Variants in METTL6 observed in about 807,000 individuals in gnomAD.
METTL6 encodes tRNA N(3)-cytidine methyltransferase METTL6.
In METTL6, 22 loss-of-function variants were observed where a neutral mutation model predicts 26.4. The ratio of observed to expected loss-of-function variants is 0.83; its 90% CI spans 0.59 to 1.19. METTL6 has a LOEUF of 1.19. METTL6 is among the 50% of genes most tolerant of loss of function. The probability of loss-of-function intolerance (pLI) is 0.00; values close to 1 mark genes in which losing one functional copy is unlikely to be tolerated. For missense variants in METTL6, 304 were observed against 324.8 expected, an observed-to-expected ratio of 0.94 and a Z score of 0.49; for synonymous variants, 109 against 116.2, an observed-to-expected ratio of 0.94 and a Z score of 0.40.
At chr3:15,419,697 G>C (rs1366871495) in intron 3 of METTL6, among the ~76,000 whole-genome samples, 1 of 152,050 alleles carries the variant, frequency 6.6e-6, no homozygotes, top group Admixed American at 6.6e-5. Flanking sequence ...ATATAAATGA[G>C]CATGCTCTTC....
chr3:15,395,677 T>G (rs990299482), intron 6 of METTL6, among the ~76,000 whole-genome samples: 4 of 152,216 alleles, frequency 2.6e-5, no homozygotes, highest in Non-Finnish European at 4.4e-5. Context: ...CTTCAGGAGT[T>G]CTTTTAGGGC....
At chr3:15,403,567 G>A (rs1225611894) in intron 6 of METTL6, among the ~76,000 whole-genome samples, 1 of 152,042 alleles carries the variant, frequency 6.6e-6, no homozygotes, top group Non-Finnish European at 1.5e-5. Context: ...CCTTCTCCTG[G>A]TTTTCTGAGT....
intron 6 of METTL6, among the ~76,000 whole-genome samples, chr3:15,397,249 G>A (rs1699513799): frequency 6.6e-6 from 1 of 152,210 alleles, no homozygotes; most frequent in Admixed American, 6.5e-5. Flanking sequence ...TGCTAGCAAT[G>A]AGCGAGGCTC....
intron 3 of METTL6, among the ~76,000 whole-genome samples, chr3:15,424,331 A>C (rs569792909): frequency 6.6e-6 from 1 of 152,186 alleles, no homozygotes; most frequent in Non-Finnish European, 1.5e-5. Flanking sequence ...CAGTGCTGCA[A>C]TCTTGGCTCA....
chr3:15,414,418 T>C, intron 4 of METTL6: 1 of 1,013,118 alleles, frequency 9.9e-7, no homozygotes, highest in Non-Finnish European at 1.2e-6. Context: ...TGCAGTGGCA[T>C]AATCTCAGCT....
intron 6 of METTL6, among the ~76,000 whole-genome samples, chr3:15,388,655 A>G (rs1004433556): frequency 6.6e-6 from 1 of 152,164 alleles, no homozygotes; most frequent in African/African-American, 2.4e-5. Context: ...CAGTTTAAGG[A>G]GGCCCAAAAT....
chr3:15,413,217 C>T (rs575873952), intron 5 of METTL6, among the ~76,000 whole-genome samples: 22 of 152,212 alleles, frequency 1.4e-4, no homozygotes, highest in African/African-American at 4.8e-4. Flanking sequence ...TGCACTCCAG[C>T]CTGTAAGACT....
intron 4 of METTL6, chr3:15,414,839 T>C: frequency 1.9e-6 from 1 of 517,326 alleles, no homozygotes; most frequent in Non-Finnish European, 3.5e-6. Flanking sequence ...GGAGAACTGC[T>C]TGAGCCCAGG....
chr3:15,411,973 C>T (rs1304078037), intron 5 of METTL6, among the ~76,000 whole-genome samples: 1 of 152,134 alleles, frequency 6.6e-6, no homozygotes, highest in African/African-American at 2.4e-5. Context: ...CCATGTTGGC[C>T]AGGCTGGTCT....
chr3:15,413,647 T>C (rs1366017034), intron 5 of METTL6: 13 of 1,180,332 alleles, frequency 1.1e-5, no homozygotes, highest in Middle Eastern at 3.8e-4. Flanking sequence ...CTTTGTGCCA[T>C]GGGAAAGTAA....
At chr3:15,384,844 T>C (rs902302416) in intron 6 of METTL6, among the ~76,000 whole-genome samples, 4 of 152,226 alleles carry the variant, frequency 2.6e-5, no homozygotes, top group African/African-American at 9.6e-5. Flanking sequence ...TTTTGCCCCC[T>C]TGGGGGACAA....
intron 1 of METTL6, 121 bp from the exon 2 acceptor site, chr3:15,426,756 G>A: frequency 3.8e-6 from 2 of 526,252 alleles, no homozygotes; most frequent in Non-Finnish European, 3.4e-6. Context: ...CTATATGAGA[G>A]GTCACAAAGA....
intron 3 of METTL6, among the ~76,000 whole-genome samples, chr3:15,417,356 G>A (rs1700251096): frequency 6.6e-6 from 1 of 152,092 alleles, no homozygotes; most frequent in South Asian, 2.1e-4. Context: ...TGGGAAGACT[G>A]AGGCAGAAGA....
chr3:15,384,674 G>A (rs938107995), intron 6 of METTL6: 3 of 152,692 alleles, frequency 2.0e-5, no homozygotes, highest in Non-Finnish European at 2.9e-5. Flanking sequence ...AGGAGTTCCA[G>A]GCTGAGGTGA....
downstream of METTL6, among the ~76,000 whole-genome samples, chr3:15,409,464 T>C (rs2124955760): frequency 6.6e-6 from 1 of 152,254 alleles, no homozygotes; most frequent in Admixed American, 6.5e-5. Context: ...AATTTAGGGA[T>C]TTCCCCATAT....
rs752261742 is a variant in METTL6 at position 15,426,319 on chromosome 3, T to C, written c.193A>G (p.Arg65Gly). The C allele has an allele frequency of 1.9e-6, 3 of 1,614,076 alleles. No homozygotes were observed. In the East Asian group the frequency reaches 6.7e-5, roughly 36 times the overall value. Residue 65 changes from arginine to glycine, a missense_variant, in exon 2 of 6, where the codon AGA becomes GGA. Coordinates refer to ENST00000383790, the MANE Select transcript of METTL6 (RefSeq NM_152396.4). ...CATGATCTTAGCTCCTCAAACTCTC[T>C]GGTGGTCCAGTGTCTGTCTTTGAAG... is the stretch of plus-strand genomic sequence containing the variant. ...NFFKDRHWTT[R>G]EFEELRSCRE... is the part of the protein sequence containing the mutation.
At chr3:15,388,564 AGCCAGTTTATCCATCTGGGTGGT>A (rs1382565798) in intron 6 of METTL6, among the ~76,000 whole-genome samples, 1 of 152,144 alleles carries the variant, frequency 6.6e-6, no homozygotes, top group Non-Finnish European at 1.5e-5. Context: ...AGATCAGATG[AGCCAGTTTATCCATCTGGGTGGT>A]GCCAGTTGAT....
downstream of METTL6, among the ~76,000 whole-genome samples, chr3:15,405,993 G>A (rs1699771649): frequency 6.6e-6 from 1 of 151,790 alleles, no homozygotes; most frequent in South Asian, 2.1e-4. Flanking sequence ...ATTGTATGGA[G>A]TATGTGTGTG....
At chr3:15,405,376 T>C (rs1699757307), downstream of METTL6, among the ~76,000 whole-genome samples, 1 of 152,218 alleles carries the variant, frequency 6.6e-6, no homozygotes, top group South Asian at 2.1e-4. Context: ...GAGGCCAAAA[T>C]TGATCTTATG....
Sources: gnomAD v4.1 joint callset for allele counts (sites outside exome capture counted in the v4.1 genomes callset) on GRCh38, gnomAD v4.1.1 for gene constraint, MANE v1.5 for transcripts, NCBI Gene and HGNC (gene_info 2026-07-23, HGNC 2026-07-21) for gene names.